Variants in CDIN1 observed in about 807,000 individuals in gnomAD.
CDIN1 encodes CDAN1 interacting nuclease 1, also known as CDAN1-interacting nuclease 1.
A neutral mutation model predicts 45.3 loss-of-function variants in CDIN1; 33 were observed. That is an observed-to-expected ratio of 0.73 (90% CI 0.55 to 0.97). The LOEUF is 0.97. Ranked by LOEUF, CDIN1 falls within the 50% of genes least tolerant of loss-of-function variation. The pLI is 0.00. For missense variants in CDIN1, 303 were observed against 339.4 expected (o/e 0.89, Z 0.84); for synonymous variants, 118 against 124.4 (o/e 0.95, Z 0.34).
intron 10 of CDIN1, among the ~76,000 whole-genome samples, chr15:36,764,464 T>C (rs1446303749): frequency 6.6e-6 from 1 of 152,190 alleles, no homozygotes; most frequent in Non-Finnish European, 1.5e-5. Flanking sequence ...TTTTTAAAGG[T>C]ATTTAGTAGG....
intron 5 of CDIN1, among the ~76,000 whole-genome samples, chr15:36,679,193 G>A (rs748325974): frequency 4.6e-5 from 7 of 151,964 alleles, no homozygotes; most frequent in Non-Finnish European, 8.8e-5. Context: ...CTGGGGTGGG[G>A]GAGTGGGGAT....
At chr15:36,695,306 G>A (rs543263401) in intron 7 of CDIN1, among the ~76,000 whole-genome samples, 1 of 152,196 alleles carries the variant, frequency 6.6e-6, no homozygotes, top group South Asian at 2.1e-4. Flanking sequence ...ACGTGACCAG[G>A]TTGACGTTAT....
intron 1 of CDIN1, among the ~76,000 whole-genome samples, chr15:36,621,412 G>T (rs2140312830): frequency 6.6e-6 from 1 of 152,260 alleles, no homozygotes. Context: ...TTGACTTATT[G>T]TTAGCATGGC....
intron 10 of CDIN1, among the ~76,000 whole-genome samples, chr15:36,784,973 T>G (rs1334164094): frequency 1.3e-5 from 2 of 152,160 alleles, no homozygotes; most frequent in Non-Finnish European, 2.9e-5. Flanking sequence ...TTAACTTAAG[T>G]GGACCTGTTT....
intron 5 of CDIN1, among the ~76,000 whole-genome samples, chr15:36,676,962 C>T (rs545167595): frequency 2.0e-5 from 3 of 152,282 alleles, no homozygotes; most frequent in Admixed American, 2.0e-4. Flanking sequence ...AGTAAGGTCA[C>T]TTCACATACC....
intron 5 of CDIN1, among the ~76,000 whole-genome samples, chr15:36,675,035 C>G (rs905903073): frequency 6.6e-6 from 1 of 151,912 alleles, no homozygotes. Flanking sequence ...CCCCTCATAA[C>G]GAAGAAAGAA....
chr15:36,653,143 T>C (rs2040637539), intron 3 of CDIN1, among the ~76,000 whole-genome samples: 2 of 152,230 alleles, frequency 1.3e-5, no homozygotes, highest in Non-Finnish European at 2.9e-5. Context: ...GGTAGCCAAG[T>C]AATAGGCAAA....
At chr15:36,581,019 A>G (rs1465529047) in intron 1 of CDIN1, among the ~76,000 whole-genome samples, 2 of 152,252 alleles carry the variant, frequency 1.3e-5, no homozygotes, top group Non-Finnish European at 2.9e-5. Context: ...CCTAGTCTGT[A>G]AAATGAAGGA....
intron 7 of CDIN1, among the ~76,000 whole-genome samples, chr15:36,693,235 C>T (rs2042313530): frequency 6.6e-6 from 1 of 152,104 alleles, no homozygotes; most frequent in Non-Finnish European, 1.5e-5. Context: ...AACCTTTGAA[C>T]AGAGCCCTCT....
chr15:36,748,438 G>A (rs759465), intron 10 of CDIN1, among the ~76,000 whole-genome samples: 118,021 of 152,084 alleles, frequency 0.78, 46,479 homozygotes, highest in East Asian at 0.96. Flanking sequence ...CTTCTGCAGG[G>A]CAGAAACCGG....
intron 10 of CDIN1, among the ~76,000 whole-genome samples, chr15:36,711,295 G>C (rs901958122): frequency 2.6e-5 from 4 of 152,136 alleles, no homozygotes; most frequent in Non-Finnish European, 4.4e-5. Context: ...TAGGGAGGCA[G>C]ACTGTTTCCC....
At chr15:36,583,758 TG>T (rs553532864) in intron 1 of CDIN1, among the ~76,000 whole-genome samples, 275 of 152,346 alleles carry the variant, frequency 1.8e-3, no homozygotes, top group Non-Finnish European at 2.8e-3. Context: ...GGCTCAAGCC[TG>T]TAATCCCGGC....
chr15:36,627,468 C>G (rs952564275), intron 1 of CDIN1: 8 of 157,426 alleles, frequency 5.1e-5, no homozygotes, highest in African/African-American at 1.9e-4. Context: ...CCCGCCTTGT[C>G]CAGCTGTAGT....
chr15:36,709,297 T>C lies in CDIN1; in HGVS notation c.610+9T>C. The C allele has an allele frequency of 6.3e-7, 1 of 1,597,354 alleles. No homozygotes were observed. Among genetic ancestry groups the C allele is most frequent in the South Asian group, 1.1e-5 (1 of 87,346 alleles). ...TTTACAAGTACCAGTTGGTAAGTTC[T>C]TTAACTCTGTTATGCATTTGTTTTT... On this transcript the variant is annotated intron_variant, in intron 9 of 10. Coordinates refer to ENST00000566621, the MANE Select transcript of CDIN1 (RefSeq NM_001321759.2).
intron 1 of CDIN1, among the ~76,000 whole-genome samples, chr15:36,606,010 C>G (rs1324935527): frequency 6.6e-6 from 1 of 151,946 alleles, no homozygotes; most frequent in Non-Finnish European, 1.5e-5. Context: ...CATTAGCGTG[C>G]TTGAGGACAA....
intron 5 of CDIN1, among the ~76,000 whole-genome samples, chr15:36,670,090 C>G (rs936714974): frequency 1.3e-5 from 2 of 151,998 alleles, no homozygotes; most frequent in Non-Finnish European, 2.9e-5. Context: ...TTAGTCTCCT[C>G]TCCCTGTTTA....
chr15:36,735,425 T>C (rs2043981536), intron 10 of CDIN1, among the ~76,000 whole-genome samples: 1 of 152,126 alleles, frequency 6.6e-6, no homozygotes, highest in Admixed American at 6.5e-5. Context: ...ATTTCCCTAT[T>C]ATCATTCTAT....
intron 10 of CDIN1, among the ~76,000 whole-genome samples, chr15:36,796,583 A>G (rs1841027718): frequency 6.6e-6 from 1 of 152,212 alleles, no homozygotes; most frequent in South Asian, 2.1e-4. Context: ...TAGCACTGGC[A>G]TCCAGTCCCC....
chr15:36,740,862 C>G (rs2044210755), intron 10 of CDIN1, among the ~76,000 whole-genome samples: 1 of 150,408 alleles, frequency 6.6e-6, no homozygotes, highest in Non-Finnish European at 1.5e-5. Context: ...GCTCTCCAGC[C>G]TAGGCAACAA....
Sources: gnomAD v4.1 joint callset for allele counts (sites outside exome capture counted in the v4.1 genomes callset) on GRCh38, gnomAD v4.1.1 for gene constraint, MANE v1.5 for transcripts, NCBI Gene and HGNC (gene_info 2026-07-23, HGNC 2026-07-21) for gene names.